MAP7D2: variants seen among roughly 807,000 people sequenced by gnomAD.
MAP7D2 encodes the protein MAP7 domain-containing protein 2.
A neutral mutation model predicts 63.5 loss-of-function variants in MAP7D2; 33 were observed. That is an observed-to-expected ratio of 0.52 (90% CI 0.39 to 0.70). The LOEUF is 0.70. MAP7D2 is among the 30% of genes least tolerant of loss of function. MAP7D2 has a pLI of 0.00. For synonymous variants in MAP7D2, 224 were observed against 223.7 expected, an observed-to-expected ratio of 1.00 and a Z score of -0.01; for missense variants, 626 against 604.0, an observed-to-expected ratio of 1.04 and a Z score of -0.38.
intron 5 of MAP7D2, among the ~76,000 whole-genome samples, chrX:20,051,409 G>A (rs1844339697): frequency 9.0e-6 from 1 of 110,743 alleles, no homozygotes; most frequent in Admixed American, 9.6e-5. Context: ...AAAATTAGCT[G>A]GGCATGGTGA....
intron 10 of MAP7D2, among the ~76,000 whole-genome samples, chrX:20,023,142 C>A (rs144041236): frequency 0.02 from 2,277 of 112,394 alleles, 67 homozygotes; most frequent in African/African-American, 0.071. Flanking sequence ...AGAAAGCAAG[C>A]TGCAGTTAGC....
At chrX:20,094,836 C>A (rs976112725) in intron 1 of MAP7D2, among the ~76,000 whole-genome samples, 2 of 106,126 alleles carry the variant, frequency 1.9e-5, no homozygotes, top group African/African-American at 6.8e-5. Context: ...CTCGGCCTCG[C>A]AAAGTGCTAG....
chrX:20,110,220 G>A (rs2066701985), intron 1 of MAP7D2, among the ~76,000 whole-genome samples: 1 of 108,736 alleles, frequency 9.2e-6, no homozygotes, highest in African/African-American at 3.4e-5. Flanking sequence ...GGGCACGGTG[G>A]TTCACGCCTG....
At chrX:20,075,581 AC>A (rs1367568381) in intron 1 of MAP7D2, among the ~76,000 whole-genome samples, 5 of 111,115 alleles carry the variant, frequency 4.5e-5, no homozygotes, top group African/African-American at 1.6e-4. Context: ...CTTGGAAGGT[AC>A]AGTGTGTGGG....
chrX:20,073,388 G>A (rs191567063), intron 1 of MAP7D2, among the ~76,000 whole-genome samples: 1,870 of 111,484 alleles, frequency 0.017, 19 homozygotes, highest in Middle Eastern at 0.046. Context: ...AAAAGGGGAT[G>A]AAAAAAACTG....
intron 6 of MAP7D2, among the ~76,000 whole-genome samples, chrX:20,048,934 C>CAT (rs2064870449): frequency 9.2e-6 from 1 of 108,216 alleles, no homozygotes; most frequent in Admixed American, 9.9e-5. Context: ...AATACATATA[C>CAT]ATATATATAC....
chrX:20,042,571 C>T lies in MAP7D2; in HGVS notation c.938G>A (p.Gly313Glu). The T allele has an allele frequency of 1.7e-5, 20 of 1,211,402 alleles. No individual in the cohort carries two copies. The highest frequency in any genetic ancestry group is 2.1e-5 in the Non-Finnish European group (19 of 895,282). The change falls in exon 8 of 17, where the codon GGG (glycine) becomes GAG (glutamate). Residue 313 changes from glycine to glutamate, a missense_variant. Coordinates refer to ENST00000379643, the MANE Select transcript of MAP7D2 (RefSeq NM_001168465.2). ...AAACTCACATCTTCTCAGAGGGGACCCGAAGTTCACAACAGGAAGAGAAGT... is the reference window on the plus strand; with the variant it reads ...AAACTCACATCTTCTCAGAGGGGACTCGAAGTTCACAACAGGAAGAGAAGT... ...TATSLPVVNF[G>E]SPLRRCEFSG... is the part of the protein sequence containing the mutation.
rs1469114996 is a variant in MAP7D2, at chrX:20,012,924, G to A, written c.1885+130C>T. The A allele has an allele frequency of 5.7e-6, 3 of 529,768 alleles. No individual in the cohort carries two copies. In the East Asian group the frequency reaches 1.0e-4, roughly 18 times the overall value. 43.7% of individuals were successfully genotyped at this position (529,768 alleles called of 1,213,427 possible). A position where few individuals can be genotyped will look rare whatever the true frequency, so the allele number is the denominator to read the frequency against. ...CCCTGTGCTGGAGACACATTCCCAGGGAAGGGAAACTGCACAGGCCCCTGC... is the reference window on the plus strand; with the variant it reads ...CCCTGTGCTGGAGACACATTCCCAGAGAAGGGAAACTGCACAGGCCCCTGC... On this transcript the variant is annotated intron_variant, in intron 14 of 16. Transcript: ENST00000379643.
chrX:20,074,800 C>T (rs951966355), intron 1 of MAP7D2, among the ~76,000 whole-genome samples: 3 of 111,534 alleles, frequency 2.7e-5, no homozygotes, highest in Non-Finnish European at 5.7e-5. Flanking sequence ...CCTGTAATCC[C>T]GGCACTTTGG....
intron 7 of MAP7D2, 75 bp downstream of exon 7, chrX:20,044,289 C>A: frequency 9.6e-7 from 1 of 1,044,151 alleles, no homozygotes; most frequent in South Asian, 2.1e-5. Flanking sequence ...CAGCCCAGGT[C>A]AAGCACAGAA....
intron 1 of MAP7D2, among the ~76,000 whole-genome samples, chrX:20,108,007 T>C (rs189195499): frequency 1.8e-5 from 2 of 111,539 alleles, no homozygotes; most frequent in East Asian, 5.6e-4. Flanking sequence ...TTATGTACCA[T>C]ACCCTTTGGG....
rs1330885710 is a variant in MAP7D2 at position 20,024,827 on chromosome X, A to G, written c.1412+124T>C. 10 of 744,659 alleles carry G rather than the reference A, an allele frequency of 1.3e-5. No homozygotes were observed. The African/African-American group carries it at 2.1e-4, about 16-fold the overall frequency. 61.4% of individuals were successfully genotyped at this position (744,659 alleles called of 1,213,427 possible). On this transcript the variant is annotated intron_variant, in intron 10 of 16. Transcript: ENST00000379643. ...TGAACACCTTCCATGTAGTTCAGACATTCTAGGTTCCCATACTTCTGTTCA... is the reference window on the plus strand; with the variant it reads ...TGAACACCTTCCATGTAGTTCAGACGTTCTAGGTTCCCATACTTCTGTTCA...
At chrX:20,046,148 G>A (rs1483684624) in intron 6 of MAP7D2, among the ~76,000 whole-genome samples, 2 of 112,020 alleles carry the variant, frequency 1.8e-5, no homozygotes, top group Non-Finnish European at 3.8e-5. Flanking sequence ...CAATTTCTAG[G>A]AAAAGACATG....
At chrX:20,106,488 C>G (rs1780546873) in intron 1 of MAP7D2, among the ~76,000 whole-genome samples, 1 of 112,304 alleles carries the variant, frequency 8.9e-6, no homozygotes, top group South Asian at 3.6e-4. Context: ...GTGCTTCACG[C>G]CATACTTGAC....
intron 6 of MAP7D2, among the ~76,000 whole-genome samples, chrX:20,046,677 C>T (rs760893783): frequency 8.0e-5 from 9 of 112,537 alleles, no homozygotes; most frequent in African/African-American, 2.9e-4. Flanking sequence ...GTGATACAAA[C>T]CTACTTTAAA....
chrX:20,060,462 GAAAGAAAGAAAGAA>G (rs2065190870), intron 3 of MAP7D2, among the ~76,000 whole-genome samples: 1 of 108,302 alleles, frequency 9.2e-6, no homozygotes, highest in Non-Finnish European at 1.9e-5. Context: ...AAGAAAGAAA[GAAAGAAAGAAAGAA>G]AGAAAGAAAG....
intron 1 of MAP7D2, among the ~76,000 whole-genome samples, chrX:20,093,346 T>C (rs2066119274): frequency 9.0e-6 from 1 of 111,618 alleles, no homozygotes; most frequent in Admixed American, 9.6e-5. Flanking sequence ...GCTTATATTA[T>C]AATTTAGAGA....
chrX:20,013,603 C>T lies in MAP7D2; in HGVS notation c.1772G>A (p.Arg591Lys). 1 of 1,194,419 alleles carries T rather than the reference C, an allele frequency of 8.4e-7. No homozygotes were observed. Among genetic ancestry groups the T allele is most frequent in the Non-Finnish European group, 1.1e-6 (1 of 884,334 alleles). Residue 591 changes from arginine to lysine, a missense_variant, in exon 13 of 17, where the codon AGA (arginine) becomes AAA (lysine). Coordinates refer to ENST00000379643, the MANE Select transcript of MAP7D2 (RefSeq NM_001168465.2). The stretch of plus-strand genomic sequence containing the variant: ...TGGAGACACATCACTTTTCCTTGTT[C>T]TCTTCATGATTTCATCTATTCTCTA... ...RKKRIDEIMK[R>K]TRKSDVSPQV...
At chrX:20,089,722 T>C (rs1471441489) in intron 1 of MAP7D2, among the ~76,000 whole-genome samples, 1 of 112,651 alleles carries the variant, frequency 8.9e-6, no homozygotes, top group African/African-American at 3.2e-5. Context: ...CATTAATAAC[T>C]CCACAATTAG....
Sources: gnomAD v4.1 joint callset for allele counts (sites outside exome capture counted in the v4.1 genomes callset) on GRCh38, gnomAD v4.1.1 for gene constraint, MANE v1.5 for transcripts, NCBI Gene and HGNC (gene_info 2026-07-23, HGNC 2026-07-21) for gene names.